The following CDH18 variants were observed in gnomAD, a reference collection of about 807,000 sequenced individuals.
CDH18 encodes cadherin-18.
Under a neutral mutation model 67.9 loss-of-function variants are expected in CDH18, and 31 were observed. The ratio of observed to expected loss-of-function variants is 0.46; its 90% CI spans 0.34 to 0.62. The LOEUF (loss-of-function observed/expected upper bound fraction) is 0.62. Ranked by LOEUF, CDH18 falls within the 20% of genes least tolerant of loss-of-function variation. The probability of loss-of-function intolerance (pLI) is 0.01; values close to 1 mark genes in which losing one functional copy is unlikely to be tolerated. For missense variants in CDH18, 890 were observed against 975.5 expected (o/e 0.91, Z 1.17); for synonymous variants, 362 against 347.2 (o/e 1.04, Z -0.48).
chr5:19,516,950 C>T (rs772407207), intron 10 of CDH18, among the ~76,000 whole-genome samples: 1 of 151,948 alleles, frequency 6.6e-6, no homozygotes, highest in Non-Finnish European at 1.5e-5. Flanking sequence ...TAATTGTGCA[C>T]ATTTTGTTGT....
chr5:19,922,118 C>T (rs1287675633), intron 2 of CDH18, among the ~76,000 whole-genome samples: 2 of 152,112 alleles, frequency 1.3e-5, no homozygotes, highest in Non-Finnish European at 2.9e-5. Context: ...TGATTTTTCT[C>T]AGTCAGTTGT....
At chr5:20,136,732 G>T (rs1243294424) in intron 2 of CDH18, among the ~76,000 whole-genome samples, 1 of 152,128 alleles carries the variant, frequency 6.6e-6, no homozygotes, top group Non-Finnish European at 1.5e-5. Flanking sequence ...GGTACTGGTT[G>T]TTCCTTTCCA....
In CDH18 at chr5:19,591,087, C is replaced by G. The variant is rs1468515608; in HGVS notation, c.969G>C (p.Glu323Asp). ...MGIFSISTDK[E>D]TREGILSLKK... The stretch of plus-strand genomic sequence containing the variant: ...TTAAAGAAAGGATTCCTTCTCTGGT[C>G]TCTTTGTCAGTGGAGATTGAGAATA... The change falls in exon 7 of 13, where the codon GAG (glutamate) becomes GAC (aspartate). Residue 323 changes from glutamate (E) to aspartate (D), a missense_variant. By Grantham distance (45) the Glu-to-Asp change is conservative. Coordinates refer to ENST00000382275, the MANE Select transcript of CDH18 (RefSeq NM_004934.5). 1.2e-6 allele frequency: 2 copies of G among 1,604,974 alleles called. No individual in the cohort carries two copies. The highest frequency in any genetic ancestry group is 1.7e-6 in the Non-Finnish European group (2 of 1,175,618).
chr5:19,491,652 A>G (rs912801343), intron 11 of CDH18, among the ~76,000 whole-genome samples: 1 of 152,206 alleles, frequency 6.6e-6, no homozygotes, highest in African/African-American at 2.4e-5. Context: ...TGTAACTTCT[A>G]TGCAATATCA....
chr5:19,680,818 T>A (rs1259777200), intron 5 of CDH18, among the ~76,000 whole-genome samples: 1 of 152,024 alleles, frequency 6.6e-6, no homozygotes, highest in Non-Finnish European at 1.5e-5. Flanking sequence ...CTGCTGGGAA[T>A]GTGAATTAGT....
intron 7 of CDH18, among the ~76,000 whole-genome samples, chr5:19,590,507 T>C (rs181822637): frequency 2.0e-5 from 3 of 149,944 alleles, no homozygotes; most frequent in Admixed American, 1.4e-4. Context: ...GATAGATAGA[T>C]AGACAGACAG....
intron 2 of CDH18, among the ~76,000 whole-genome samples, chr5:19,972,864 A>ATT (rs1222616240): frequency 1.3e-5 from 2 of 152,062 alleles, no homozygotes; most frequent in African/African-American, 4.8e-5. Context: ...TTTAATAGAA[A>ATT]TAGTAAATAG....
intron 5 of CDH18, among the ~76,000 whole-genome samples, chr5:19,675,638 T>A (rs933242482): frequency 2.0e-5 from 3 of 152,126 alleles, no homozygotes; most frequent in African/African-American, 7.2e-5. Flanking sequence ...CTGTTCTTTT[T>A]TCAAGGTGCC....
chr5:19,814,798 T>C (rs1441120062), intron 3 of CDH18, among the ~76,000 whole-genome samples: 1 of 151,612 alleles, frequency 6.6e-6, no homozygotes, highest in African/African-American at 2.4e-5. Flanking sequence ...TTCCAAATAT[T>C]GCCAAATGCC....
chr5:19,778,124 A>G (rs1397208781), intron 3 of CDH18, among the ~76,000 whole-genome samples: 1 of 152,192 alleles, frequency 6.6e-6, no homozygotes, highest in Non-Finnish European at 1.5e-5. Context: ...CAATAGACAC[A>G]AAACACCTTT....
intron 2 of CDH18, among the ~76,000 whole-genome samples, chr5:19,912,958 G>C (rs1468382775): frequency 6.6e-6 from 1 of 152,126 alleles, no homozygotes; most frequent in Non-Finnish European, 1.5e-5. Context: ...CCATTTCTTA[G>C]AGACTATGAG....
chr5:20,545,621 A>G (rs1238298596), intron 1 of CDH18, among the ~76,000 whole-genome samples: 2 of 152,186 alleles, frequency 1.3e-5, no homozygotes, highest in Non-Finnish European at 2.9e-5. Flanking sequence ...AGCAGCTGGG[A>G]TGCAGTGCAC....
At chr5:20,021,064 G>C (rs1738375246) in intron 2 of CDH18, among the ~76,000 whole-genome samples, 2 of 152,016 alleles carry the variant, frequency 1.3e-5, no homozygotes, top group Admixed American at 1.3e-4. Context: ...GGAGTCAAAG[G>C]AGATTATTTT....
chr5:19,879,878 A>G (rs1463598322), intron 2 of CDH18, among the ~76,000 whole-genome samples: 2 of 151,934 alleles, frequency 1.3e-5, no homozygotes, highest in African/African-American at 2.4e-5. Flanking sequence ...GTCTATATAC[A>G]TGTTAAGAAA....
intron 5 of CDH18, among the ~76,000 whole-genome samples, chr5:19,647,951 A>C (rs879810449): frequency 6.6e-6 from 1 of 152,204 alleles, no homozygotes; most frequent in Non-Finnish European, 1.5e-5. Flanking sequence ...TTTGAAATCC[A>C]AAAATACTTG....
chr5:20,539,517 T>C (rs1756928900), intron 1 of CDH18, among the ~76,000 whole-genome samples: 1 of 152,080 alleles, frequency 6.6e-6, no homozygotes. Context: ...TTTTCCATAG[T>C]GAAACAACAA....
intron 7 of CDH18, among the ~76,000 whole-genome samples, chr5:19,588,418 A>G (rs1043007677): frequency 3.3e-5 from 5 of 152,094 alleles, no homozygotes; most frequent in African/African-American, 1.2e-4. Context: ...TTAAATATGG[A>G]AAGAAAAACT....
chr5:19,992,875 G>T (rs1008530754), upstream of CDH18, among the ~76,000 whole-genome samples: 9 of 152,072 alleles, frequency 5.9e-5, no homozygotes, highest in Non-Finnish European at 1.2e-4. Flanking sequence ...TTTGAGTGTT[G>T]GGTGTTTAAG....
chr5:19,719,956 A>AGAAG (rs1220898598), intron 5 of CDH18, among the ~76,000 whole-genome samples: 3 of 146,894 alleles, frequency 2.0e-5, no homozygotes, highest in African/African-American at 7.5e-5. Context: ...AAAGAAAGAA[A>AGAAG]GAAGGAAAGA....
Sources: allele counts gnomAD v4.1 joint callset (sites outside exome capture counted in the v4.1 genomes callset), GRCh38; gene constraint gnomAD v4.1.1; transcripts MANE v1.5; gene names NCBI Gene and HGNC (gene_info 2026-07-23, HGNC 2026-07-21).